THAP4: variants seen among roughly 807,000 people sequenced by gnomAD.
THAP4 encodes the protein peroxynitrite isomerase THAP4.
In THAP4, 18 loss-of-function variants were observed where a neutral mutation model predicts 48.1. The ratio of observed to expected loss-of-function variants is 0.37; its 90% CI spans 0.26 to 0.56. The LOEUF (loss-of-function observed/expected upper bound fraction) is 0.56. Ranked by LOEUF, THAP4 falls within the 20% of genes least tolerant of loss-of-function variation. The pLI, the probability that THAP4 is intolerant of heterozygous loss-of-function variation, is 0.78. For synonymous variants in THAP4, 345 were observed against 324.9 expected (o/e 1.06, Z -0.66); for missense variants, 656 against 774.9 (o/e 0.85, Z 1.82).
chr2:241,622,996 T>C (rs1186545175), intron 2 of THAP4, among the ~76,000 whole-genome samples: 1 of 151,682 alleles, frequency 6.6e-6, no homozygotes, highest in East Asian at 2.0e-4. Context: ...GGCGGGCGGA[T>C]CACAATGTCA....
chr2:241,619,130 C>A (rs1224287857), intron 2 of THAP4, among the ~76,000 whole-genome samples: 1 of 152,208 alleles, frequency 6.6e-6, no homozygotes, highest in Non-Finnish European at 1.5e-5. Context: ...CTGCAGGCTC[C>A]AGCATAACAT....
At chr2:241,602,762 G>T (rs569828296) in intron 4 of THAP4, among the ~76,000 whole-genome samples, 1 of 152,222 alleles carries the variant, frequency 6.6e-6, no homozygotes, top group African/African-American at 2.4e-5. Context: ...GGGGCTGCAC[G>T]CACACAACCT....
At chr2:241,615,636 T>C (rs2067330342) in intron 2 of THAP4, among the ~76,000 whole-genome samples, 1 of 152,182 alleles carries the variant, frequency 6.6e-6, no homozygotes, top group African/African-American at 2.4e-5. Flanking sequence ...TAAACATCTG[T>C]TCAAATTAAA....
At chr2:241,599,625 C>A (rs944626424) in intron 5 of THAP4, among the ~76,000 whole-genome samples, 1 of 152,078 alleles carries the variant, frequency 6.6e-6, no homozygotes, top group Non-Finnish European at 1.5e-5. Context: ...CTAAAATACA[C>A]AAAACATGAC....
intron 5 of THAP4, chr2:241,594,544 G>A: frequency 3.2e-6 from 1 of 314,486 alleles, no homozygotes; most frequent in Non-Finnish European, 6.4e-6. Context: ...GGGCAATGTG[G>A]CAAGACCCCA....
At chr2:241,631,051 C>T (rs150707686) in intron 2 of THAP4, among the ~76,000 whole-genome samples, 2,128 of 152,020 alleles carry the variant, frequency 0.014, 59 homozygotes, top group African/African-American at 0.049. Context: ...GAGTGAGATG[C>T]CATCTCAAAA....
chr2:241,586,069 C>G (rs2066893180), intron 5 of THAP4, among the ~76,000 whole-genome samples: 1 of 151,316 alleles, frequency 6.6e-6, no homozygotes, highest in South Asian at 2.1e-4. Flanking sequence ...TCCTGGCTAA[C>G]AGGGTGAAAC....
chr2:241,636,988 G>A lies in THAP4; in HGVS notation c.30C>T (p.Cys10=), dbSNP rs750663511. 1 of 1,321,002 alleles carries A rather than the reference G, an allele frequency of 7.6e-7. No individual in the cohort carries two copies. The highest frequency in any genetic ancestry group is 1.3e-5 in the South Asian group (1 of 79,468). The allele number at this position is 1,321,002 out of a possible 1,614,324, so 81.8% of individuals were successfully genotyped here. The change falls in exon 1 of 6, where the codon TGC becomes TGT. Residue 10 remains cysteine (C), a synonymous_variant. Coordinates refer to ENST00000407315, the MANE Select transcript of THAP4 (RefSeq NM_015963.6). ...TCTCGCCCTTTCCCTGCCGGTTGGA[G>A]CAGTTCACGGCCGCACAGCAGATCA... MVICCAAVN[C]SNRQGKGEKR...
chr2:241,589,470 A>AT (rs750568239), intron 5 of THAP4, among the ~76,000 whole-genome samples: 3 of 152,250 alleles, frequency 2.0e-5, no homozygotes, highest in Non-Finnish European at 4.4e-5. Flanking sequence ...CAAGTGGCAA[A>AT]TAAGTACAAC....
At chr2:241,613,679 T>G (rs1457732942) in intron 2 of THAP4, among the ~76,000 whole-genome samples, 1 of 151,930 alleles carries the variant, frequency 6.6e-6, no homozygotes, top group Non-Finnish European at 1.5e-5. Flanking sequence ...CGCTTGGGCC[T>G]GGGAGGCAGA....
At chr2:241,622,092 G>A (rs1285999998) in intron 2 of THAP4, among the ~76,000 whole-genome samples, 12 of 152,144 alleles carry the variant, frequency 7.9e-5, no homozygotes, top group South Asian at 4.1e-4. Context: ...TTATTTACGC[G>A]GGCGCGGTGG....
At position 241,601,786 on chromosome 2, in the gene THAP4, G is replaced by A. The variant is rs757081299; in HGVS notation, c.1614+110C>T. 1.9e-6 allele frequency: 3 copies of A among 1,548,134 alleles called. No homozygotes were observed. Among genetic ancestry groups the A allele is most frequent in the African/African-American group, 2.7e-5 (2 of 73,560 alleles). The stretch of plus-strand genomic sequence containing the variant: ...AGAAGGAGACAGTGAAGACAGGCCT[G>A]TGAGACACAGTGGCAAGACACGCAC... On this transcript the variant is annotated intron_variant, in intron 5 of 5. Coordinates refer to ENST00000407315, the MANE Select transcript of THAP4 (RefSeq NM_015963.6). The surrounding 1 kb of genome is among the most constrained non-coding windows in gnomAD (Gnocchi z 4.0).
At chr2:241,592,813 G>C (rs575729118) in intron 5 of THAP4, among the ~76,000 whole-genome samples, 1 of 152,334 alleles carries the variant, frequency 6.6e-6, no homozygotes, top group South Asian at 2.1e-4. Flanking sequence ...GCCAAGGAGG[G>C]AAATGCCCCA....
At position 241,633,916 on chromosome 2, in the gene THAP4, C is replaced by A. The variant is rs2067604871; in HGVS notation, c.241G>T (p.Val81Leu). 6.2e-7 allele frequency: 1 copy of A among 1,613,994 alleles called. No homozygotes were observed. Among genetic ancestry groups the A allele is most frequent in the African/African-American group, 1.3e-5 (1 of 74,920 alleles). Reference protein sequence around the residue: ...DQHRLLKPTAVPSIFHLTEKK... With the variant: ...DQHRLLKPTALPSIFHLTEKK... ...TCGGTCAGGTGGAAGATGGATGGCA[C>A]GGCCGTGGGCTTCAGCAGGCGATGC... is the stretch of plus-strand genomic sequence containing the variant. Residue 81 changes from valine (V) to leucine (L), a missense_variant, in exon 2 of 6, where the codon GTG (valine) becomes TTG (leucine). Val to Leu is a conservative substitution (Grantham distance 32, BLOSUM62 1). Transcript: ENST00000407315. This position sits in a 1 kb window ranked among gnomAD's most constrained non-coding sequence, Gnocchi z 7.5.
rs1249775397 is a variant in THAP4, at chr2:241,612,030, G to A, written c.1241-5557C>T. 6.6e-6 allele frequency among the ~76,000 whole-genome samples: 1 copy of A among 152,162 alleles called. No homozygotes were observed. The highest frequency in any genetic ancestry group is 1.5e-5 in the Non-Finnish European group (1 of 68,036). Reference sequence around the variant, plus strand: ...TGATTCTCCCGCCTCAGCCTCCCGAGTAGTTGAATGAAGCTGCTCCATGAA... The same window carrying A: ...TGATTCTCCCGCCTCAGCCTCCCGAATAGTTGAATGAAGCTGCTCCATGAA... On this transcript the variant is annotated intron_variant, in intron 2 of 5. Transcript: ENST00000407315. This position sits in a 1 kb window ranked among gnomAD's most constrained non-coding sequence, Gnocchi z 4.1.
intron 2 of THAP4, among the ~76,000 whole-genome samples, chr2:241,622,747 G>A (rs1250767015): frequency 6.6e-6 from 1 of 152,048 alleles, no homozygotes; most frequent in African/African-American, 2.4e-5. Flanking sequence ...CTACAGGTGT[G>A]CATCACCATG....
intron 1 of THAP4, among the ~76,000 whole-genome samples, chr2:241,635,476 C>T (rs572537394): frequency 3.3e-5 from 5 of 152,136 alleles, no homozygotes; most frequent in African/African-American, 2.4e-5. Context: ...AGGCCTGGGC[C>T]GGGCGGGGTG....
intron 5 of THAP4, among the ~76,000 whole-genome samples, chr2:241,590,870 A>G (rs35750165): frequency 2.0e-4 from 16 of 78,584 alleles, no homozygotes; most frequent in East Asian, 1.3e-3. Flanking sequence ...GACACACAGA[A>G]CTGCCCGGCT....
Position 241,606,241 on chromosome 2 carries a change from C to A in THAP4, c.1400+73G>T, listed in dbSNP as rs140966980. The A allele has an allele frequency of 5.8e-3, 7,948 of 1,362,638 alleles. 32 individuals are homozygous for A. Among genetic ancestry groups the A allele is most frequent in the Non-Finnish European group, 6.8e-3 (6,936 of 1,023,934 alleles). 84.4% of individuals were successfully genotyped at this position (1,362,638 alleles called of 1,614,324 possible). A position where few individuals can be genotyped will look rare whatever the true frequency, so the allele number is the denominator to read the frequency against. On this transcript the variant is annotated intron_variant, in intron 3 of 5. Transcript: ENST00000407315. ...TTCCTGCTTGGCCTTTGTCTTTGAT[C>A]AGTCTGGAATTATTTTCAGAGACCT...
Sources: gnomAD v4.1 joint callset for allele counts (sites outside exome capture counted in the v4.1 genomes callset) on GRCh38, gnomAD v4.1.1 for gene constraint, Gnocchi (gnomAD v3.1) non-coding constraint, MANE v1.5 for transcripts, NCBI Gene and HGNC (gene_info 2026-07-23, HGNC 2026-07-21) for gene names.